NAPB: variants seen among roughly 807,000 people sequenced by gnomAD.
The protein encoded by NAPB is beta-soluble NSF attachment protein.
NAPB carries 26 observed loss-of-function variants against 44.7 expected under a neutral mutation model. The observed-to-expected ratio is 0.58, with a 90% confidence interval of 0.43 to 0.81. The LOEUF (loss-of-function observed/expected upper bound fraction) is 0.81. NAPB is among the 30% of genes least tolerant of loss of function. NAPB has a pLI of 0.00. For missense variants in NAPB, 315 were observed against 356.4 expected (o/e 0.88, Z 0.94); for synonymous variants, 120 against 116.8 (o/e 1.03, Z -0.18).
chr20:23,421,281 G>A (rs368575628), intron 1 of NAPB, 24 bp downstream of exon 1: 366 of 1,525,896 alleles, frequency 2.4e-4, no homozygotes, highest in Admixed American at 5.0e-4. Context: ...CCCCCCCCCA[G>A]GGCACGCACG....
rs1447646710 is a variant in NAPB, at chr20:23,379,864, T to C, written c.735+3A>G. ...TTTTCTTCAAAGTTCTAATATTACT[T>C]ACTTTCAATAATTTACATTCTCTTG... On this transcript the variant is annotated splice_donor_region_variant and intron_variant, in intron 9 of 10. Transcript: ENST00000377026. 2.5e-6 allele frequency: 4 copies of C among 1,602,650 alleles called. No homozygotes were observed. Among genetic ancestry groups the C allele is most frequent in the Non-Finnish European group, 3.4e-6 (4 of 1,170,294 alleles).
intron 7 of NAPB, among the ~76,000 whole-genome samples, chr20:23,387,254 C>G (rs1271200515): frequency 6.6e-6 from 1 of 152,006 alleles, no homozygotes; most frequent in East Asian, 1.9e-4. Flanking sequence ...AAAGCATTTA[C>G]CAAAACCCCA....
At chr20:23,394,835 C>T (rs562446313) in intron 5 of NAPB, 87 bp downstream of exon 5, 94 of 1,348,822 alleles carry the variant, frequency 7.0e-5, no homozygotes, top group African/African-American at 4.0e-4. Context: ...TCTACACCTA[C>T]GATCACTCTC....
intron 1 of NAPB, among the ~76,000 whole-genome samples, chr20:23,405,647 C>T (rs746015343): frequency 6.6e-6 from 1 of 152,114 alleles, no homozygotes; most frequent in Non-Finnish European, 1.5e-5. Flanking sequence ...TCACTTGAAC[C>T]TGGGAGGCGG....
At chr20:23,385,933 A>G (rs1267829848) in intron 7 of NAPB, among the ~76,000 whole-genome samples, 1 of 152,204 alleles carries the variant, frequency 6.6e-6, no homozygotes, top group Non-Finnish European at 1.5e-5. Context: ...GCCATAAAAC[A>G]AAACAAATTT....
Position 23,410,799 on chromosome 20 carries a change from A to C in NAPB, c.99-7727T>G, listed in dbSNP as rs1985600928. 2.0e-5 allele frequency among the ~76,000 whole-genome samples: 3 copies of C among 152,246 alleles called. No homozygotes were observed. The South Asian group carries it at 6.2e-4, about 32-fold the overall frequency. On this transcript the variant is annotated intron_variant, in intron 1 of 10. Transcript: ENST00000377026. ...GTTCCCTAAAACAATCACAAGGCAC[A>C]GGAAAACAATTCCATATGACTGAAA...
chr20:23,416,368 T>C (rs1827009598), intron 1 of NAPB, among the ~76,000 whole-genome samples: 1 of 152,138 alleles, frequency 6.6e-6, no homozygotes. Context: ...ACCAAACAAT[T>C]ATAATAAAGT....
chr20:23,380,152 T>A (rs1982876708), intron 8 of NAPB, among the ~76,000 whole-genome samples: 1 of 152,254 alleles, frequency 6.6e-6, no homozygotes, highest in South Asian at 2.1e-4. Context: ...TGAGTTAGGC[T>A]GCTGCTGAGA....
chr20:23,413,691 T>C (rs1004132841), intron 1 of NAPB, among the ~76,000 whole-genome samples: 2 of 152,150 alleles, frequency 1.3e-5, no homozygotes, highest in African/African-American at 4.8e-5. Flanking sequence ...AAGACTACTA[T>C]GCACAATGCA....
intron 1 of NAPB, among the ~76,000 whole-genome samples, chr20:23,405,988 G>A (rs1257309773): frequency 1.3e-5 from 2 of 152,164 alleles, no homozygotes; most frequent in Non-Finnish European, 2.9e-5. Context: ...AGTGTTGGGA[G>A]GTAGGGCCTA....
rs1982980615 is a variant in NAPB, at chr20:23,381,242, G to A, written c.637C>T (p.His213Tyr). ...GCATTCAACTCGTCTACTATGAAGT[G>A]GCAGAGGGCAGCTTTGAAGAAGTAA... Reference protein sequence around the residue: ...KDYFFKAALCHFIVDELNAKL... With the variant: ...KDYFFKAALCYFIVDELNAKL... Residue 213 changes from histidine (H) to tyrosine (Y), a missense_variant, in exon 8 of 11, where the codon CAC becomes TAC. His to Tyr is a moderately conservative substitution (Grantham distance 83). Around this residue, in one of 3 missense-constraint regions of NAPB, gnomAD observed 120 missense variants for 130.5 expected, o/e 0.92. Transcript: ENST00000377026. 6.2e-7 allele frequency: 1 copy of A among 1,613,280 alleles called. No individual in the cohort carries two copies. The highest frequency in any genetic ancestry group is 2.2e-5 in the East Asian group (1 of 44,818).
In NAPB at chr20:23,418,768, T is replaced by C. The variant is rs1440624608; in HGVS notation, c.98+2537A>G. Among the ~76,000 whole-genome samples, 4 of 148,420 alleles carry C rather than the reference T, an allele frequency of 2.7e-5. No individual in the cohort carries two copies. The East Asian group carries it at 6.0e-4, about 22-fold the overall frequency. On this transcript the variant is annotated intron_variant, in intron 1 of 10. Coordinates refer to ENST00000377026, the MANE Select transcript of NAPB (RefSeq NM_022080.3). ...CTGGCCAACACAGTGAAACCCCGTC[T>C]CTACTAAAAATACAAAAAAAAAAAA... is the stretch of plus-strand genomic sequence containing the variant.
chr20:23,385,774 AG>A, intron 7 of NAPB, among the ~76,000 whole-genome samples: 1 of 151,978 alleles, frequency 6.6e-6, no homozygotes, highest in African/African-American at 2.4e-5. Context: ...AGAGAGAGAG[AG>A]AGAGAGAGAA....
chr20:23,385,517 T>C (rs1298723723), intron 7 of NAPB, among the ~76,000 whole-genome samples: 2 of 152,086 alleles, frequency 1.3e-5, no homozygotes, highest in Non-Finnish European at 2.9e-5. Flanking sequence ...CCTGGCACTT[T>C]GGGAGGACAA....
rs1332372555 is a variant in NAPB, at chr20:23,397,159, T to C, written c.208A>G (p.Lys70Glu). 1 of 1,612,928 alleles carries C rather than the reference T, an allele frequency of 6.2e-7. No homozygotes were observed. The highest frequency in any genetic ancestry group is 1.7e-5 in the Admixed American group (1 of 59,982). The change falls in exon 3 of 11, where the codon AAG becomes GAG. Residue 70 changes from lysine (K) to glutamate (E), a missense_variant. By Grantham distance (56) the Lys-to-Glu change is moderately conservative. Coordinates refer to ENST00000377026, the MANE Select transcript of NAPB (RefSeq NM_022080.3). ...TTGCTCTGAAGCTGCATGTGGAGCT[T>C]GGCTGCCTGACAAAATGCGTTTCCT... ...AAGNAFCQAA[K>E]LHMQLQSKHD... is the part of the protein sequence containing the mutation.
chr20:23,420,009 TA>T (rs139765972), intron 1 of NAPB, among the ~76,000 whole-genome samples: 17,222 of 152,228 alleles, frequency 0.11, 1,697 homozygotes, highest in African/African-American at 0.27. Context: ...ACTGAATGTG[TA>T]CAGAAATAAA....
At chr20:23,397,842 G>C (rs911257076) in intron 2 of NAPB, among the ~76,000 whole-genome samples, 1 of 152,224 alleles carries the variant, frequency 6.6e-6, no homozygotes, top group Non-Finnish European at 1.5e-5. Context: ...TGATGGATCT[G>C]GTTGTGGGGT....
At chr20:23,389,691 TAGAC>T (rs1303327072) in intron 7 of NAPB, among the ~76,000 whole-genome samples, 3 of 152,198 alleles carry the variant, frequency 2.0e-5, no homozygotes, top group African/African-American at 7.2e-5. Context: ...AAAATCCATA[TAGAC>T]AGAGAGTAGA....
At chr20:23,398,223 T>G (rs977173189) in intron 2 of NAPB, among the ~76,000 whole-genome samples, 1 of 152,032 alleles carries the variant, frequency 6.6e-6, no homozygotes, top group African/African-American at 2.4e-5. Flanking sequence ...ACAGCAGAAA[T>G]GGAGAGGAAA....
Sources: gnomAD v4.1 joint callset for allele counts (sites outside exome capture counted in the v4.1 genomes callset) on GRCh38, gnomAD v4.1.1 for gene constraint, gnomAD v4.1.1 regional missense constraint, MANE v1.5 for transcripts, NCBI Gene and HGNC (gene_info 2026-07-23, HGNC 2026-07-21) for gene names.